The following DNER variants were observed in gnomAD, a reference collection of about 807,000 sequenced individuals.
The protein encoded by DNER is delta/notch like EGF repeat containing, also known as delta and Notch-like epidermal growth factor-related receptor.
In DNER, 33 loss-of-function variants were observed where a neutral mutation model predicts 78.2. The ratio of observed to expected loss-of-function variants is 0.42; its 90% CI spans 0.32 to 0.56. The LOEUF is 0.56. Ranked by LOEUF, DNER falls within the 20% of genes least tolerant of loss-of-function variation. The pLI, the probability that DNER is intolerant of heterozygous loss-of-function variation, is 0.11. For synonymous variants in DNER, 417 were observed against 384.8 expected (o/e 1.08, Z -0.98); for missense variants, 918 against 975.3 (o/e 0.94, Z 0.78).
At chr2:229,398,995 T>C (rs1021269901) in intron 10 of DNER, among the ~76,000 whole-genome samples, 1 of 152,012 alleles carries the variant, frequency 6.6e-6, no homozygotes, top group African/African-American at 2.4e-5. Context: ...GACTGAATGC[T>C]TTTCCCCTAA....
chr2:229,573,480 C>T (rs961840974), intron 4 of DNER, among the ~76,000 whole-genome samples: 1 of 152,172 alleles, frequency 6.6e-6, no homozygotes, highest in Admixed American at 6.5e-5. Context: ...ATTAAAACTA[C>T]CATGATTTCA....
In DNER at chr2:229,591,575, C is replaced by G; in HGVS notation, c.585+5G>C. ...GTAAAAATGCACATGATATAACGTT[C>G]TCACCTCCACTTGATCCCATTTCAT... On this transcript the variant is annotated splice_donor_5th_base_variant and intron_variant, in intron 2 of 12. Coordinates refer to ENST00000341772, the MANE Select transcript of DNER (RefSeq NM_139072.4). This position sits in a 1 kb window ranked among gnomAD's most constrained non-coding sequence, Gnocchi z 4.6. 6.2e-7 allele frequency: 1 copy of G among 1,612,320 alleles called. No homozygotes were observed. Among genetic ancestry groups the G allele is most frequent in the Non-Finnish European group, 8.5e-7 (1 of 1,178,990 alleles).
intron 11 of DNER, among the ~76,000 whole-genome samples, chr2:229,368,104 G>A (rs1458823501): frequency 6.6e-6 from 1 of 152,062 alleles, no homozygotes; most frequent in East Asian, 1.9e-4. Flanking sequence ...GCTCATGCTT[G>A]TAATCCCAGC....
chr2:229,564,780 A>G (rs1697070101), intron 4 of DNER, among the ~76,000 whole-genome samples: 1 of 152,126 alleles, frequency 6.6e-6, no homozygotes, highest in South Asian at 2.1e-4. Flanking sequence ...TGTATTTAAA[A>G]TGGAGTCCTG....
At chr2:229,418,285 C>A in intron 8 of DNER, 55 bp from the exon 9 acceptor site, 1 of 1,608,558 alleles carries the variant, frequency 6.2e-7, no homozygotes, top group Non-Finnish European at 8.5e-7. Flanking sequence ...ACAACCCACG[C>A]GGGACCAGCC....
chr2:229,477,041 C>G, intron 7 of DNER, 99 bp downstream of exon 7: 1 of 921,870 alleles, frequency 1.1e-6, no homozygotes, highest in Non-Finnish European at 1.6e-6. Context: ...AGGAAGTTCT[C>G]TTGTGTAGAG....
intron 7 of DNER, among the ~76,000 whole-genome samples, chr2:229,474,261 C>T (rs747741087): frequency 2.6e-5 from 4 of 152,162 alleles, no homozygotes; most frequent in Non-Finnish European, 5.9e-5. Flanking sequence ...ACTGCCGACA[C>T]ACAAAAGCAA....
At chr2:229,369,482 TAA>T (rs1020504122) in intron 11 of DNER, among the ~76,000 whole-genome samples, 1 of 144,654 alleles carries the variant, frequency 6.9e-6, no homozygotes, top group Non-Finnish European at 1.5e-5. Context: ...TCTAAAAAGT[TAA>T]AAAAAAAAAG....
chr2:229,521,804 T>G (rs1208087981), intron 5 of DNER, among the ~76,000 whole-genome samples: 2 of 152,126 alleles, frequency 1.3e-5, no homozygotes, highest in East Asian at 3.9e-4. Context: ...AGAGACAAAC[T>G]GTTGCTCTTT....
At chr2:229,566,454 G>T (rs1322236751) in intron 4 of DNER, among the ~76,000 whole-genome samples, 2 of 152,106 alleles carry the variant, frequency 1.3e-5, no homozygotes, top group African/African-American at 4.8e-5. Context: ...CCAATGTATT[G>T]CAATGAAGCC....
chr2:229,689,062 G>C lies in DNER; in HGVS notation c.276+25086C>G, dbSNP rs1036677610. On this transcript the variant is annotated intron_variant, in intron 1 of 12. Transcript: ENST00000341772. ...TACTGGGCTTAATACCTAGGGGATT[G>C]GCTGATAGGTGCAGCAAACCACCAT... 2.0e-5 allele frequency among the ~76,000 whole-genome samples: 3 copies of C among 152,272 alleles called. No homozygotes were observed. In the East Asian group the frequency reaches 5.8e-4, roughly 29 times the overall value.
At chr2:229,665,941 C>T (rs1699085996) in intron 1 of DNER, among the ~76,000 whole-genome samples, 1 of 152,198 alleles carries the variant, frequency 6.6e-6, no homozygotes. Flanking sequence ...AATCACTGTG[C>T]ATGCCAGATA....
intron 9 of DNER, 48 bp from the exon 10 acceptor site, chr2:229,407,393 C>T (rs994865509): frequency 1.3e-6 from 2 of 1,544,886 alleles, no homozygotes; most frequent in East Asian, 4.5e-5. Flanking sequence ...GACTCTCTGG[C>T]TCCCATGGCC....
intron 1 of DNER, among the ~76,000 whole-genome samples, chr2:229,705,528 T>A (rs568230814): frequency 6.6e-6 from 1 of 152,158 alleles, no homozygotes; most frequent in African/African-American, 2.4e-5. Context: ...ACCCTCTGGT[T>A]CCCTTTTCCC....
rs1414377906 is a variant in DNER, at chr2:229,693,012, AGTCT to A, written c.276+21132_276+21135del. On this transcript the variant is annotated intron_variant, in intron 1 of 12. Coordinates refer to ENST00000341772, the MANE Select transcript of DNER (RefSeq NM_139072.4). ...GCCACCAAGAACCTCTGTGCATTCC[AGTCT>A]GATATGGTTTGGTTGTGTCCCCACC... Among the ~76,000 whole-genome samples the A allele has an allele frequency of 4.6e-5, 7 of 152,096 alleles. No individual in the cohort carries two copies. In the East Asian group the frequency reaches 1.4e-3, roughly 29 times the overall value.
chr2:229,657,652 A>G (rs565081631), intron 1 of DNER, among the ~76,000 whole-genome samples: 1 of 152,354 alleles, frequency 6.6e-6, no homozygotes, highest in African/African-American at 2.4e-5. Flanking sequence ...CGATGTGACA[A>G]GAAGATGATA....
rs143166036 is a variant in DNER at position 229,467,075 on chromosome 2, G to A, written c.1261+10065C>T. On this transcript the variant is annotated intron_variant, in intron 7 of 12. Coordinates refer to ENST00000341772, the MANE Select transcript of DNER (RefSeq NM_139072.4). Reference sequence around the variant, plus strand: ...AAAGAGGACCCTGGTCAAATGCAATGATGGTGGCCAGTAGTGAACAGAAAG... The same window carrying A: ...AAAGAGGACCCTGGTCAAATGCAATAATGGTGGCCAGTAGTGAACAGAAAG... 3.8e-3 allele frequency among the ~76,000 whole-genome samples: 578 copies of A among 152,318 alleles called. 7 individuals carry two copies. Among genetic ancestry groups the A allele is most frequent in the African/African-American group, 0.013 (556 of 41,572 alleles).
intron 8 of DNER, among the ~76,000 whole-genome samples, chr2:229,440,798 T>C (rs1440598771): frequency 2.0e-5 from 3 of 152,198 alleles, no homozygotes; most frequent in Non-Finnish European, 2.9e-5. Context: ...CACACCCTTG[T>C]TCCCCGCATC....
At chr2:229,429,395 A>G (rs1272574903) in intron 8 of DNER, among the ~76,000 whole-genome samples, 1 of 152,150 alleles carries the variant, frequency 6.6e-6, no homozygotes, top group East Asian at 1.9e-4. Context: ...GCAACAGAGG[A>G]TACTTATAAA....
Sources: allele counts gnomAD v4.1 joint callset (sites outside exome capture counted in the v4.1 genomes callset), GRCh38; gene constraint gnomAD v4.1.1; non-coding constraint Gnocchi (gnomAD v3.1); transcripts MANE v1.5; gene names NCBI Gene and HGNC (gene_info 2026-07-23, HGNC 2026-07-21).